BMPER: variants seen among roughly 807,000 people sequenced by gnomAD.
BMPER encodes the protein BMP binding endothelial regulator.
In BMPER, 45 loss-of-function variants were observed where a neutral mutation model predicts 87.3. The observed-to-expected ratio is 0.52, with a 90% CI of 0.41 to 0.66. The LOEUF (loss-of-function observed/expected upper bound fraction) is 0.66. BMPER is among the 30% of genes least tolerant of loss of function. BMPER has a pLI of 0.00. For synonymous variants in BMPER, 326 were observed against 316.2 expected (o/e 1.03, Z -0.33); for missense variants, 784 against 867.5 (o/e 0.90, Z 1.21).
At chr7:34,088,895 T>A (rs945340763) in intron 13 of BMPER, among the ~76,000 whole-genome samples, 1 of 152,186 alleles carries the variant, frequency 6.6e-6, no homozygotes, top group East Asian at 1.9e-4. Flanking sequence ...CAAAATCAAC[T>A]GTTTCTCTTT....
intron 14 of BMPER, among the ~76,000 whole-genome samples, chr7:34,147,563 T>C (rs13242615): frequency 0.82 from 125,392 of 152,114 alleles, 51,913 homozygotes; most frequent in East Asian, 0.95. Context: ...CTCCAACTCC[T>C]AGGTTCAAGT....
chr7:34,075,556 C>A (rs1788842827), intron 11 of BMPER, among the ~76,000 whole-genome samples: 1 of 152,130 alleles, frequency 6.6e-6, no homozygotes, highest in Non-Finnish European at 1.5e-5. Context: ...CAAAAATGTG[C>A]CACCAGTCAT....
At chr7:34,081,584 T>A (rs746461044) in intron 12 of BMPER, among the ~76,000 whole-genome samples, 15 of 152,244 alleles carry the variant, frequency 9.9e-5, no homozygotes, top group Non-Finnish European at 2.2e-4. Flanking sequence ...ATTGTCCACT[T>A]CCACCACACA....
intron 13 of BMPER, among the ~76,000 whole-genome samples, chr7:34,097,663 G>A (rs979084522): frequency 6.6e-6 from 1 of 152,072 alleles, no homozygotes; most frequent in Non-Finnish European, 1.5e-5. Context: ...GTTGATGCTG[G>A]GGTTCAGGAA....
rs139097517 is a variant in BMPER at position 33,912,137 on chromosome 7, C to CA, written c.219+5236dup. 9.1e-3 allele frequency among the ~76,000 whole-genome samples: 1,380 copies of CA among 152,016 alleles called. 17 individuals are homozygous for CA. The highest frequency in any genetic ancestry group is 0.032 in the African/African-American group (1,318 of 41,378). On this transcript the variant is annotated intron_variant, in intron 2 of 14. Transcript: ENST00000649409. ...AAACATAAACAAACAAACAAACAAACAACAACAAAAAACACAACTTTCCGT... is the reference window on the plus strand; with the variant it reads ...AAACATAAACAAACAAACAAACAAACAAACAACAAAAAACACAACTTTCCGT...
At position 34,052,844 on chromosome 7, in the gene BMPER, T is replaced by C. The variant is rs554199850; in HGVS notation, c.786+874T>C. Among the ~76,000 whole-genome samples, 36 of 152,336 alleles carry C rather than the reference T, an allele frequency of 2.4e-4. 1 individual carries two copies. The highest frequency in any genetic ancestry group is 6.8e-3 in the Middle Eastern group (2 of 294). On this transcript the variant is annotated intron_variant, in intron 8 of 14. Coordinates refer to ENST00000649409, the MANE Select transcript of BMPER (RefSeq NM_001365308.1). ...GCGGGTGGTTGGTTAAGGGCTGAAC[T>C]GTCCGTTCCCTTGAACACCAAACAT...
intron 13 of BMPER, among the ~76,000 whole-genome samples, chr7:34,142,797 T>C (rs1583477784): frequency 6.6e-6 from 1 of 152,250 alleles, no homozygotes. Context: ...ATATCAGTGC[T>C]TGTCACAAGA....
chr7:34,115,627 A>G (rs1790098986), intron 13 of BMPER, among the ~76,000 whole-genome samples: 1 of 152,208 alleles, frequency 6.6e-6, no homozygotes, highest in African/African-American at 2.4e-5. Context: ...TTTACTTAGC[A>G]TGTGTTCAAG....
chr7:34,076,855 G>A (rs957095283), intron 11 of BMPER, among the ~76,000 whole-genome samples: 7 of 152,128 alleles, frequency 4.6e-5, no homozygotes, highest in Non-Finnish European at 8.8e-5. Flanking sequence ...TTCCTCAGGA[G>A]TATAATTTCA....
At chr7:34,076,563 A>G (rs1788870957) in intron 11 of BMPER, among the ~76,000 whole-genome samples, 2 of 152,148 alleles carry the variant, frequency 1.3e-5, no homozygotes, top group South Asian at 2.1e-4. Flanking sequence ...TGACTAGATC[A>G]TAGTTCATTT....
At chr7:33,989,897 C>T (rs952094439) in intron 6 of BMPER, among the ~76,000 whole-genome samples, 1 of 152,118 alleles carries the variant, frequency 6.6e-6, no homozygotes, top group African/African-American at 2.4e-5. Flanking sequence ...GCTTGTTTTT[C>T]TCAGGTTTGT....
chr7:34,094,818 T>A (rs936226850), intron 13 of BMPER, among the ~76,000 whole-genome samples: 1 of 152,172 alleles, frequency 6.6e-6, no homozygotes, highest in African/African-American at 2.4e-5. Flanking sequence ...ACAGAGCAAA[T>A]GCTCAGTCAA....
intron 13 of BMPER, among the ~76,000 whole-genome samples, chr7:34,129,590 G>GAGAGAGAGAGAGAGAGAA (rs1790500882): frequency 5.4e-5 from 7 of 128,788 alleles, no homozygotes; most frequent in African/African-American, 2.2e-4. Flanking sequence ...GAGAGAGAGA[G>GAGAGAGAGAGAGAGAGAA]AGAGAGAGAG....
At chr7:34,011,354 A>T (rs1786869422) in intron 6 of BMPER, among the ~76,000 whole-genome samples, 1 of 151,800 alleles carries the variant, frequency 6.6e-6, no homozygotes, top group Non-Finnish European at 1.5e-5. Context: ...AAGGACGAGG[A>T]ATAATGCTGT....
intron 6 of BMPER, among the ~76,000 whole-genome samples, chr7:34,021,555 A>G (rs887505332): frequency 1.3e-5 from 2 of 151,996 alleles, no homozygotes; most frequent in African/African-American, 4.8e-5. Flanking sequence ...CAACAATTAA[A>G]TGACCCAGCT....
chr7:34,006,804 T>C (rs995404643), intron 6 of BMPER, among the ~76,000 whole-genome samples: 6 of 152,082 alleles, frequency 3.9e-5, no homozygotes, highest in Non-Finnish European at 7.4e-5. Flanking sequence ...GTGGCCATAG[T>C]TTGATCTGTA....
intron 13 of BMPER, among the ~76,000 whole-genome samples, chr7:34,090,753 C>CTGCA (rs1789357665): frequency 6.6e-6 from 1 of 152,188 alleles, no homozygotes; most frequent in Admixed American, 6.5e-5. Context: ...TAGGGCAGGA[C>CTGCA]TGCATTTCAG....
intron 3 of BMPER, 134 bp downstream of exon 3, chr7:33,937,522 G>T: frequency 1.3e-6 from 1 of 769,890 alleles, no homozygotes; most frequent in Non-Finnish European, 2.2e-6. Context: ...GGGTGTGTGT[G>T]TGTGTGTGTG....
At chr7:34,065,871 A>G (rs984821904) in intron 11 of BMPER, among the ~76,000 whole-genome samples, 20 of 152,334 alleles carry the variant, frequency 1.3e-4, no homozygotes, top group African/African-American at 4.8e-4. Context: ...AGCTACTTCC[A>G]GCCCTTCTCT....
Sources: allele counts gnomAD v4.1 joint callset (sites outside exome capture counted in the v4.1 genomes callset), GRCh38; gene constraint gnomAD v4.1.1; transcripts MANE v1.5; gene names NCBI Gene and HGNC (gene_info 2026-07-23, HGNC 2026-07-21).